The following FOXP2 variants were observed in gnomAD, a reference collection of about 807,000 sequenced individuals.
The protein encoded by FOXP2 is forkhead box protein P2.
In FOXP2, 12 loss-of-function variants were observed where a neutral mutation model predicts 115.8. That is an observed-to-expected ratio of 0.10 (90% CI 0.07 to 0.17). The LOEUF (loss-of-function observed/expected upper bound fraction) is 0.17, where lower values mean the gene tolerates loss of function less well. Among genes scored for constraint, FOXP2 ranks in the 10% least tolerant of loss-of-function variants. FOXP2 has a pLI of 1.00. For synonymous variants in FOXP2, 328 were observed against 297.7 expected (o/e 1.10, Z -1.05); for missense variants, 629 against 843.5 (o/e 0.75, Z 3.15).
chr7:114,676,464 A>G (rs1191839269), intron 16 of FOXP2, among the ~76,000 whole-genome samples: 1 of 152,196 alleles, frequency 6.6e-6, no homozygotes, highest in Non-Finnish European at 1.5e-5. Context: ...GCTGTATTGG[A>G]TGAAATAAAA....
intron 2 of FOXP2, among the ~76,000 whole-genome samples, chr7:114,494,319 A>G (rs1257838697): frequency 1.3e-5 from 2 of 152,180 alleles, no homozygotes; most frequent in Non-Finnish European, 2.9e-5. Context: ...TCAGACTATG[A>G]TACTGTTGAA....
At chr7:114,501,258 C>T (rs558543444) in intron 2 of FOXP2, among the ~76,000 whole-genome samples, 1 of 152,112 alleles carries the variant, frequency 6.6e-6, no homozygotes, top group South Asian at 2.1e-4. Context: ...GTTAGTTACG[C>T]CAAGCCTGTA....
chr7:114,139,965 T>G (rs1200049109), intron 1 of FOXP2, among the ~76,000 whole-genome samples: 4 of 151,938 alleles, frequency 2.6e-5, no homozygotes, highest in Non-Finnish European at 5.9e-5. Flanking sequence ...TACAAAAAAT[T>G]AGCCAAGCGT....
chr7:114,339,527 C>T (rs1791148805), intron 2 of FOXP2, among the ~76,000 whole-genome samples: 1 of 150,852 alleles, frequency 6.6e-6, no homozygotes, highest in Admixed American at 6.6e-5. Context: ...GGATTTTTTG[C>T]TACATCATGG....
At chr7:114,512,584 T>A (rs1798128880) in intron 2 of FOXP2, among the ~76,000 whole-genome samples, 1 of 152,140 alleles carries the variant, frequency 6.6e-6, no homozygotes, top group South Asian at 2.1e-4. Context: ...CTCAGTGATT[T>A]CTGATAGGGT....
intron 2 of FOXP2, among the ~76,000 whole-genome samples, chr7:114,299,351 G>A (rs1796823851): frequency 6.6e-6 from 1 of 151,926 alleles, no homozygotes; most frequent in African/African-American, 2.4e-5. Flanking sequence ...GAACCCTGAT[G>A]TTATTAAGAC....
chr7:114,478,449 T>C (rs556234922), intron 2 of FOXP2, among the ~76,000 whole-genome samples: 1 of 151,958 alleles, frequency 6.6e-6, no homozygotes, highest in African/African-American at 2.4e-5. Context: ...AAAGAAAAAG[T>C]TGACCTTATT....
At position 114,190,042 on chromosome 7, in the gene FOXP2, A is replaced by G. The variant is rs566231901; in HGVS notation, c.-102+26954A>G. On this transcript the variant is annotated intron_variant, in intron 1 of 17. Transcript: ENST00000634411. ...CACTTGATGCATTCTAGCATTATTT[A>G]CTTATCTTAGGACCCAGACATCACA... Among the ~76,000 whole-genome samples, 8 of 152,310 alleles carry G rather than the reference A, an allele frequency of 5.3e-5. No individual in the cohort carries two copies. The East Asian group carries it at 1.5e-3, about 29-fold the overall frequency.
intron 2 of FOXP2, among the ~76,000 whole-genome samples, chr7:114,408,605 T>G (rs1562908370): frequency 6.6e-6 from 1 of 152,068 alleles, no homozygotes. Context: ...TGCATGTCTG[T>G]AATCCCAGCT....
intron 3 of FOXP2, among the ~76,000 whole-genome samples, chr7:114,545,071 G>A (rs1223561572): frequency 1.3e-5 from 2 of 152,154 alleles, no homozygotes; most frequent in Non-Finnish European, 2.9e-5. Context: ...AACTCTCCAG[G>A]AGATACAATA....
At chr7:114,574,429 A>G (rs1211271677) in intron 3 of FOXP2, among the ~76,000 whole-genome samples, 1 of 151,802 alleles carries the variant, frequency 6.6e-6, no homozygotes, top group Non-Finnish European at 1.5e-5. Context: ...TGAAAAAAAA[A>G]ATCTTCACTT....
At chr7:114,550,430 A>T (rs146336536) in intron 3 of FOXP2, among the ~76,000 whole-genome samples, 1 of 151,916 alleles carries the variant, frequency 6.6e-6, no homozygotes, top group Non-Finnish European at 1.5e-5. Context: ...CTTTCTTTTG[A>T]AGAAGGTATT....
intron 8 of FOXP2, among the ~76,000 whole-genome samples, chr7:114,646,615 C>T (rs1805914288): frequency 6.6e-6 from 1 of 151,846 alleles, no homozygotes; most frequent in South Asian, 2.1e-4. Context: ...GTTTTAAAGC[C>T]TTTTTTTAGT....
intron 2 of FOXP2, among the ~76,000 whole-genome samples, chr7:114,488,582 A>G (rs1266101537): frequency 6.6e-6 from 1 of 152,138 alleles, no homozygotes; most frequent in East Asian, 1.9e-4. Flanking sequence ...TTCAGATTCA[A>G]TTTTGCTGTT....
intron 1 of FOXP2, among the ~76,000 whole-genome samples, chr7:114,243,611 T>G (rs1360359665): frequency 6.6e-6 from 1 of 152,210 alleles, no homozygotes; most frequent in African/African-American, 2.4e-5. Flanking sequence ...ATTTTTAAAT[T>G]GTTTATCCTT....
At chr7:114,620,386 T>C (rs1330278924) in intron 3 of FOXP2, among the ~76,000 whole-genome samples, 2 of 152,102 alleles carry the variant, frequency 1.3e-5, no homozygotes, top group East Asian at 1.9e-4. Flanking sequence ...CTGATATCTG[T>C]GGTCTTGTAG....
chr7:114,170,351 A>G (rs1283476775), intron 1 of FOXP2, among the ~76,000 whole-genome samples: 1 of 152,158 alleles, frequency 6.6e-6, no homozygotes, highest in African/African-American at 2.4e-5. Context: ...CTAAAAAACA[A>G]CGATGTTGAA....
intron 2 of FOXP2, among the ~76,000 whole-genome samples, chr7:114,379,372 G>C (rs1792223140): frequency 6.6e-6 from 1 of 152,126 alleles, no homozygotes; most frequent in South Asian, 2.1e-4. Flanking sequence ...TAGGCTTAGG[G>C]ATTCTTAGTC....
intron 3 of FOXP2, among the ~76,000 whole-genome samples, chr7:114,555,980 C>A (rs1374112008): frequency 6.6e-6 from 1 of 152,154 alleles, no homozygotes; most frequent in Non-Finnish European, 1.5e-5. Context: ...GGAACCACTG[C>A]TGACATGGCA....
Sources: gnomAD v4.1 joint callset for allele counts (sites outside exome capture counted in the v4.1 genomes callset) on GRCh38, gnomAD v4.1.1 for gene constraint, MANE v1.5 for transcripts, NCBI Gene and HGNC (gene_info 2026-07-23, HGNC 2026-07-21) for gene names.